CACNG8: variants seen among roughly 807,000 people sequenced by gnomAD.
CACNG8 encodes calcium voltage-gated channel auxiliary subunit gamma 8, also known as voltage-dependent calcium channel gamma-8 subunit.
In CACNG8, 5 loss-of-function variants were observed where a neutral mutation model predicts 26.9. The ratio of observed to expected loss-of-function variants is 0.19; its 90% CI spans 0.10 to 0.39. CACNG8 has a LOEUF of 0.39. CACNG8 is among the 10% of genes least tolerant of loss of function. The probability of loss-of-function intolerance (pLI) is 1.00; values close to 1 mark genes in which losing one functional copy is unlikely to be tolerated. For missense variants in CACNG8, 473 were observed against 609.4 expected (o/e 0.78, Z 2.36); for synonymous variants, 321 against 296.7 (o/e 1.08, Z -0.84).
rs922973204 is a variant in CACNG8, at chr19:53,986,657, G to C, written c.*3808G>C. ...GGAGGCTGAGAAAGAAGGATCACTT[G>C]AACCCAGGAGGCAGAGGTTGCAGTG... is the stretch of plus-strand genomic sequence containing the variant. On this transcript the variant is annotated 3_prime_UTR_variant, in exon 4 of 4. Coordinates refer to ENST00000270458, the MANE Select transcript of CACNG8 (RefSeq NM_031895.6). The C allele has an allele frequency of 6.6e-6, 1 of 152,276 alleles. No individual in the cohort carries two copies. The highest frequency in any genetic ancestry group is 2.4e-5 in the African/African-American group (1 of 41,458). The allele number at this position is 152,276 out of a possible 1,614,324, so 9.4% of individuals were successfully genotyped here. A position where few individuals can be genotyped will look rare whatever the true frequency, so the allele number is the denominator to read the frequency against.
chr19:53,966,124 G>A (rs2069271306), intron 1 of CACNG8, among the ~76,000 whole-genome samples: 1 of 151,976 alleles, frequency 6.6e-6, no homozygotes, highest in Non-Finnish European at 1.5e-5. Context: ...GTCTTGCTTT[G>A]TCACCCAAGC....
chr19:53,963,903 G>A (rs1243993372), intron 1 of CACNG8, among the ~76,000 whole-genome samples: 5 of 147,680 alleles, frequency 3.4e-5, no homozygotes, highest in African/African-American at 1.0e-4. Flanking sequence ...CTAGGCTCAA[G>A]CCATCCTCCC....
intron 3 of CACNG8, among the ~76,000 whole-genome samples, chr19:53,981,258 A>T (rs2069365965): frequency 6.6e-6 from 1 of 152,150 alleles, no homozygotes; most frequent in South Asian, 2.1e-4. Context: ...GGAAAAACCC[A>T]GGTTTATAAC....
chr19:53,982,001 G>C lies in CACNG8; in HGVS notation c.509-79G>C. 7.0e-7 allele frequency: 1 copy of C among 1,435,892 alleles called. No individual in the cohort carries two copies. The highest frequency in any genetic ancestry group is 9.1e-7 in the Non-Finnish European group (1 of 1,098,248). The allele number at this position is 1,435,892 out of a possible 1,614,324, so 88.9% of individuals were successfully genotyped here. ...GGTGGCGCCTGGGCCCGCTGGCGCAGGCGGGCAGGGGTCGGGGCCGGGGGC... is the reference window on the plus strand; with the variant it reads ...GGTGGCGCCTGGGCCCGCTGGCGCACGCGGGCAGGGGTCGGGGCCGGGGGC... On this transcript the variant is annotated intron_variant, in intron 3 of 3. Transcript: ENST00000270458. This position sits in a 1 kb window ranked among gnomAD's most constrained non-coding sequence, Gnocchi z 8.4.
At chr19:53,975,668 C>T (rs73602021) in intron 1 of CACNG8, among the ~76,000 whole-genome samples, 4,008 of 152,222 alleles carry the variant, frequency 0.026, 164 homozygotes, top group African/African-American at 0.084. Flanking sequence ...CGTGAGCCAC[C>T]ACACCTGGCC....
intron 2 of CACNG8, among the ~76,000 whole-genome samples, 168 bp downstream of exon 2, chr19:53,978,397 G>A (rs984471788): frequency 6.6e-6 from 1 of 152,100 alleles, no homozygotes; most frequent in Admixed American, 6.5e-5. Context: ...TCTGGTCCCC[G>A]ATTGGCTGAC....
intron 1 of CACNG8, among the ~76,000 whole-genome samples, chr19:53,973,241 G>A (rs2069312426): frequency 1.3e-5 from 2 of 152,168 alleles, no homozygotes; most frequent in East Asian, 3.9e-4. Flanking sequence ...GAGGGACCAG[G>A]CTGGGCGCGG....
chr19:53,981,867 G>A (rs1166541926), intron 3 of CACNG8, among the ~76,000 whole-genome samples: 2 of 152,148 alleles, frequency 1.3e-5, no homozygotes, highest in African/African-American at 4.8e-5. Flanking sequence ...CAGCAGGGAA[G>A]CGCCTAGAGC....
At chr19:53,969,522 C>T (rs1035207646) in intron 1 of CACNG8, among the ~76,000 whole-genome samples, 11 of 151,708 alleles carry the variant, frequency 7.3e-5, no homozygotes, top group African/African-American at 2.4e-4. Flanking sequence ...GGCCTCTCAA[C>T]GCATTGGGAT....
chr19:53,964,564 C>T (rs2069261836), intron 1 of CACNG8, among the ~76,000 whole-genome samples: 1 of 152,078 alleles, frequency 6.6e-6, no homozygotes, highest in Non-Finnish European at 1.5e-5. Context: ...GCTTCTCGCT[C>T]CTGCCCCTGC....
chr19:53,987,917 A>T lies in CACNG8; in HGVS notation c.*5068A>T, dbSNP rs1291678837. ...CGTGGCCTAGCAGGGGGGTGGGGAC[A>T]GAGAAGCGACCCTGGCCAGAGCCTT... is the stretch of plus-strand genomic sequence containing the variant. On this transcript the variant is annotated 3_prime_UTR_variant, in exon 4 of 4. Coordinates refer to ENST00000270458, the MANE Select transcript of CACNG8 (RefSeq NM_031895.6). The T allele has an allele frequency of 6.6e-6, 1 of 152,146 alleles. No individual in the cohort carries two copies. Among genetic ancestry groups the T allele is most frequent in the East Asian group, 1.9e-4 (1 of 5,186 alleles). The allele number at this position is 152,146 out of a possible 1,614,324, so 9.4% of individuals were successfully genotyped here.
chr19:53,979,862 C>G lies in CACNG8; in HGVS notation c.368-5C>G, dbSNP rs755700876. ...CCTCCTTTTCCTTTCCTTCCTCCCC[C>G]GCAGGAGTTGTCCGGGCCTCCAGCA... On this transcript the variant is annotated splice_region_variant and splice_polypyrimidine_tract_variant and intron_variant, in intron 2 of 3. Coordinates refer to ENST00000270458, the MANE Select transcript of CACNG8 (RefSeq NM_031895.6). The G allele has an allele frequency of 5.0e-6, 8 of 1,596,782 alleles. No individual in the cohort carries two copies. Among genetic ancestry groups the G allele is most frequent in the East Asian group, 2.3e-5 (1 of 43,638 alleles).
Position 53,982,814 on chromosome 19 carries a change from A to T in CACNG8, c.1243A>T (p.Thr415Ser). ...GGCCAAGGAGGCCGCCGCCTCCAACACCAACACGCTCAACAGGAAAACCAC... is the reference window on the plus strand; with the variant it reads ...GGCCAAGGAGGCCGCCGCCTCCAACTCCAACACGCTCAACAGGAAAACCAC... The change falls in exon 4 of 4, where the codon ACC becomes TCC. Residue 415 changes from threonine (T) to serine (S), a missense_variant. Thr to Ser is a moderately conservative substitution (Grantham distance 58). Coordinates refer to ENST00000270458, the MANE Select transcript of CACNG8 (RefSeq NM_031895.6). The surrounding 1 kb of genome is among the most constrained non-coding windows in gnomAD (Gnocchi z 8.4). 1 of 1,371,794 alleles carries T rather than the reference A, an allele frequency of 7.3e-7. No homozygotes were observed. Among genetic ancestry groups the T allele is most frequent in the South Asian group, 1.5e-5 (1 of 68,582 alleles). The allele number at this position is 1,371,794 out of a possible 1,614,324, so 85.0% of individuals were successfully genotyped here.
In CACNG8 at chr19:53,982,263, G is replaced by C. The variant is rs2069374304; in HGVS notation, c.692G>C (p.Ser231Thr). The change falls in exon 4 of 4, where the codon AGC becomes ACC. Residue 231 changes from serine (S) to threonine (T), a missense_variant. Physicochemically the swap from Ser to Thr is moderately conservative, Grantham distance 58. Around this residue, in one of 6 missense-constraint regions of CACNG8, gnomAD observed 155 missense variants for 253.0 expected, o/e 0.61. Transcript: ENST00000270458. This position sits in a 1 kb window ranked among gnomAD's most constrained non-coding sequence, Gnocchi z 8.4. ...GCCGTCAACATCTACATCGAGCGCA[G>C]CCGCGAGGCGCACTGCCAGTCTCGC... 4 of 1,612,312 alleles carry C rather than the reference G, an allele frequency of 2.5e-6. No individual in the cohort carries two copies. In the East Asian group the frequency reaches 8.9e-5, roughly 36 times the overall value.
intron 1 of CACNG8, among the ~76,000 whole-genome samples, chr19:53,964,953 A>G (rs1179440164): frequency 6.6e-6 from 1 of 151,576 alleles, no homozygotes; most frequent in Non-Finnish European, 1.5e-5. Context: ...ATCCCCCTCT[A>G]TTTCCTCTGC....
chr19:53,969,515 C>G (rs1437152093), intron 1 of CACNG8, among the ~76,000 whole-genome samples: 1 of 151,880 alleles, frequency 6.6e-6, no homozygotes, highest in Non-Finnish European at 1.5e-5. Context: ...CACCCCCGGC[C>G]TCTCAACGCA....
chr19:53,976,695 C>T (rs937998747), intron 1 of CACNG8, among the ~76,000 whole-genome samples: 13 of 151,388 alleles, frequency 8.6e-5, no homozygotes, highest in Admixed American at 3.9e-4. Flanking sequence ...TCTTTTGAGA[C>T]GGAGTCTCGC....
chr19:53,966,024 G>C (rs78747730), intron 1 of CACNG8, among the ~76,000 whole-genome samples: 2,106 of 152,228 alleles, frequency 0.014, 58 homozygotes, highest in African/African-American at 0.048. Context: ...GTAGGAGTAA[G>C]AGGTGCAGTC....
chr19:53,977,322 A>G (rs76420255), intron 1 of CACNG8, among the ~76,000 whole-genome samples: 3,476 of 152,354 alleles, frequency 0.023, 67 homozygotes, highest in Non-Finnish European at 0.033. Context: ...AGAACTGGAC[A>G]GAGCTGGGCA....
Sources: gnomAD v4.1 joint callset for allele counts (sites outside exome capture counted in the v4.1 genomes callset) on GRCh38, gnomAD v4.1.1 for gene constraint, gnomAD v4.1.1 regional missense constraint, Gnocchi (gnomAD v3.1) non-coding constraint, MANE v1.5 for transcripts, NCBI Gene and HGNC (gene_info 2026-07-23, HGNC 2026-07-21) for gene names.